Variants in PRPF8 observed in about 807,000 individuals in gnomAD.
The protein encoded by PRPF8 is pre-mRNA processing factor 8.
Under a neutral mutation model 285.9 loss-of-function variants are expected in PRPF8, and 64 were observed. That is an observed-to-expected ratio of 0.22 (90% CI 0.18 to 0.28). PRPF8 has a LOEUF of 0.28. Ranked by LOEUF, PRPF8 falls within the 10% of genes least tolerant of loss-of-function variation. The pLI, the probability that PRPF8 is intolerant of heterozygous loss-of-function variation, is 1.00. For missense variants in PRPF8, 1,426 were observed against 3,026.7 expected (o/e 0.47, Z 12.41); for synonymous variants, 1,325 against 1,118.2 (o/e 1.18, Z -3.69).
At chr17:1,668,511 C>T (rs570177310) in intron 24 of PRPF8, among the ~76,000 whole-genome samples, 2 of 151,768 alleles carry the variant, frequency 1.3e-5, no homozygotes, top group African/African-American at 4.8e-5. Context: ...CACAGGCGCC[C>T]GCCACGACAT....
At position 1,674,788 on chromosome 17, in the gene PRPF8, C is replaced by T. The variant is rs115952669; in HGVS notation, c.3061-108G>A. ...AGCAAATTCTACTTTTTTCCACTCC[C>T]GAGGCGGAGTTGTGCTCAGTCACCC... On this transcript the variant is annotated intron_variant, in intron 20 of 42. Coordinates refer to ENST00000304992, the MANE Select transcript of PRPF8 (RefSeq NM_006445.4). 4.2e-3 allele frequency: 5,004 copies of T among 1,197,596 alleles called. 141 individuals are homozygous for T. The African/African-American group carries it at 0.064, about 15-fold the overall frequency. 74.2% of individuals were successfully genotyped at this position (1,197,596 alleles called of 1,614,324 possible). A position where few individuals can be genotyped will look rare whatever the true frequency, so the allele number is the denominator to read the frequency against.
intron 13 of PRPF8, among the ~76,000 whole-genome samples, 196 bp from the exon 14 acceptor site, chr17:1,677,890 C>G (rs1207834353): frequency 6.6e-6 from 1 of 152,004 alleles, no homozygotes; most frequent in Non-Finnish European, 1.5e-5. Flanking sequence ...AACCTTAAGG[C>G]AAAAACCAGG....
At position 1,659,065 on chromosome 17, in the gene PRPF8, G is replaced by T. The variant is rs1257907080; in HGVS notation, c.5138+292C>A. 3 of 552,908 alleles carry T rather than the reference G, an allele frequency of 5.4e-6. No individual in the cohort carries two copies. In the African/African-American group the frequency reaches 5.7e-5, roughly 10 times the overall value. The allele number at this position is 552,908 out of a possible 1,614,324, so 34.3% of individuals were successfully genotyped here. A position where few individuals can be genotyped will look rare whatever the true frequency, so the allele number is the denominator to read the frequency against. On this transcript the variant is annotated intron_variant, in intron 32 of 42. Transcript: ENST00000304992. This position sits in a 1 kb window ranked among gnomAD's most constrained non-coding sequence, Gnocchi z 5.1. ...CTTTGAGATGGAGTCTCACTCTGTC[G>T]CCCAGGCTGGAGTGCAGTGGCGCAA...
rs1243154657 is a variant in PRPF8, at chr17:1,677,402, G to A, written c.1984+163C>T. ...TGACTGCCTCTCAAGGCCCCAGAAG[G>A]AAGCCCAAGAAATAGAATACTAGGT... On this transcript the variant is annotated intron_variant, in intron 14 of 42. Transcript: ENST00000304992. The A allele has an allele frequency of 1.4e-5, 16 of 1,141,126 alleles. No homozygotes were observed. The Admixed American group carries it at 2.2e-4, about 16-fold the overall frequency. 70.7% of individuals were successfully genotyped at this position (1,141,126 alleles called of 1,614,324 possible).
chr17:1,668,354 CT>C (rs970795981), intron 24 of PRPF8, among the ~76,000 whole-genome samples: 5,730 of 105,528 alleles, frequency 0.054, 318 homozygotes, highest in African/African-American at 0.15. Flanking sequence ...GTCTAGCATT[CT>C]TTTTTTTTTT....
rs376297942 is a variant in PRPF8, at chr17:1,677,102, C to T, written c.2055G>A (p.Leu685=). ...GAATATCATGCATCACAGCTGCCCGCAGCTCAAGGTCAAAATGTGACTCCA... is the reference window on the plus strand; with the variant it reads ...GAATATCATGCATCACAGCTGCCCGTAGCTCAAGGTCAAAATGTGACTCCA... ...QRVESHFDLE[L]RAAVMHDILD... is the part of the protein sequence containing the mutation. The change falls in exon 15 of 43, where the codon CTG becomes CTA. Residue 685 remains leucine (L), a synonymous_variant. Transcript: ENST00000304992. 3 of 1,613,918 alleles carry T rather than the reference C, an allele frequency of 1.9e-6. No homozygotes were observed. Among genetic ancestry groups the T allele is most frequent in the Non-Finnish European group, 2.5e-6 (3 of 1,180,006 alleles).
At chr17:1,678,313 T>TCAAAA (rs1912720973) in intron 13 of PRPF8, 4 of 604,276 alleles carry the variant, frequency 6.6e-6, no homozygotes, top group South Asian at 1.9e-5. Context: ...AGACTCAGTT[T>TCAAAA]CAAAACAAAA....
At chr17:1,684,187 T>C (rs1243439152) in intron 2 of PRPF8, among the ~76,000 whole-genome samples, 1 of 152,052 alleles carries the variant, frequency 6.6e-6, no homozygotes, top group Non-Finnish European at 1.5e-5. Context: ...GCGCCCGGCC[T>C]GACATTTTTA....
rs781299375 is a variant in PRPF8 at position 1,679,215 on chromosome 17, G to A, written c.1410-9C>T. The A allele has an allele frequency of 1.1e-5, 18 of 1,614,096 alleles. No homozygotes were observed. In the African/African-American group the frequency reaches 1.9e-4, roughly 17 times the overall value. On this transcript the variant is annotated splice_polypyrimidine_tract_variant and intron_variant, in intron 10 of 42. Coordinates refer to ENST00000304992, the MANE Select transcript of PRPF8 (RefSeq NM_006445.4). The surrounding 1 kb of genome is among the most constrained non-coding windows in gnomAD (Gnocchi z 4.7). Reference sequence around the variant, plus strand: ...AGGAGCGGAACAAATACCTGAGGTGGGAACATGGAGAGTAAGAGTCAGCCT... The same window carrying A: ...AGGAGCGGAACAAATACCTGAGGTGAGAACATGGAGAGTAAGAGTCAGCCT...
intron 30 of PRPF8, 117 bp downstream of exon 30, chr17:1,660,315 C>A: frequency 6.5e-7 from 1 of 1,547,036 alleles, no homozygotes. Context: ...TGAGCTGACT[C>A]TGTACAGTAC....
chr17:1,684,384 G>A (rs886918035), intron 2 of PRPF8, 88 bp downstream of exon 2: 3 of 1,326,072 alleles, frequency 2.3e-6, no homozygotes, highest in African/African-American at 2.9e-5. Flanking sequence ...CTCAGGAGCT[G>A]CCCAAACGGG....
At position 1,681,520 on chromosome 17, in the gene PRPF8, C is replaced by A; in HGVS notation, c.824G>T (p.Gly275Val). ...TSKALNMAIP[G>V]GPKFEPLVRD... The stretch of plus-strand genomic sequence containing the variant: ...AACAAGAGGTTCAAATTTGGGGCCT[C>A]CAGGAATGGCCATATTGAGTGCCTT... Residue 275 changes from glycine (G) to valine (V), a missense_variant, in exon 6 of 43, where the codon GGA becomes GTA. Physicochemically the swap from Gly to Val is moderately radical, Grantham distance 109. This residue lies in a region of PRPF8 where 157 missense variants were observed against 159.6 expected (regional missense o/e 0.98). Transcript: ENST00000304992. 1 of 1,612,498 alleles carries A rather than the reference C, an allele frequency of 6.2e-7. No individual in the cohort carries two copies. Among genetic ancestry groups the A allele is most frequent in the Non-Finnish European group, 8.5e-7 (1 of 1,178,564 alleles).
rs184194175 is a variant in PRPF8 at position 1,676,938 on chromosome 17, G to C, written c.2181+38C>G. 6.2e-7 allele frequency: 1 copy of C among 1,607,960 alleles called. No individual in the cohort carries two copies. Among genetic ancestry groups the C allele is most frequent in the South Asian group, 1.1e-5 (1 of 90,966 alleles). On this transcript the variant is annotated intron_variant, in intron 15 of 42. Transcript: ENST00000304992. The surrounding 1 kb of genome is among the most constrained non-coding windows in gnomAD (Gnocchi z 6.3). ...GAAGTGGTAATCCTACCCTAAAGAC[G>C]GATGTTTACGCCTCCAAGGAAATAA...
chr17:1,662,814 G>C (rs1437483778), intron 24 of PRPF8, among the ~76,000 whole-genome samples: 2 of 138,004 alleles, frequency 1.4e-5, no homozygotes, highest in Admixed American at 1.5e-4. Context: ...CTGGGAGACA[G>C]AGCAAGACTG....
chr17:1,677,474 T>A (rs1431668625), intron 14 of PRPF8, 91 bp downstream of exon 14: 1 of 1,573,628 alleles, frequency 6.4e-7, no homozygotes, highest in African/African-American at 1.4e-5. Context: ...GTAGGAAGAG[T>A]GCTCATACAA....
chr17:1,684,401 C>G, intron 2 of PRPF8, 71 bp downstream of exon 2: 1 of 1,510,634 alleles, frequency 6.6e-7, no homozygotes, highest in Non-Finnish European at 9.2e-7. Context: ...CGGGGAGGGT[C>G]CCCACCCGCC....
chr17:1,673,842 T>C lies in PRPF8; in HGVS notation c.3350A>G (p.His1117Arg). Residue 1117 changes from histidine to arginine, a missense_variant, in exon 22 of 43, where the codon CAC becomes CGC. This residue lies in a region of PRPF8 where 148 missense variants were observed against 196.2 expected (regional missense o/e 0.75). Transcript: ENST00000304992. This position sits in a 1 kb window ranked among gnomAD's most constrained non-coding sequence, Gnocchi z 5.5. ...GATGTTTTCATTATTGGGGTCAGGGTGCTCTGTCAGGTAACGTTGAATCAG... is the reference window on the plus strand; with the variant it reads ...GATGTTTTCATTATTGGGGTCAGGGCGCTCTGTCAGGTAACGTTGAATCAG... ...RDLIQRYLTEHPDPNNENIVG... is the reference protein window; with the variant it reads ...RDLIQRYLTERPDPNNENIVG... 6.2e-7 allele frequency: 1 copy of C among 1,614,034 alleles called. No homozygotes were observed. The highest frequency in any genetic ancestry group is 8.5e-7 in the Non-Finnish European group (1 of 1,180,020).
chr17:1,683,471 T>C, intron 3 of PRPF8, 62 bp downstream of exon 3: 5 of 1,567,972 alleles, frequency 3.2e-6, no homozygotes, highest in Non-Finnish European at 4.4e-6. Context: ...TCCAAGACTG[T>C]GGGACAGGGA....
Position 1,677,458 on chromosome 17 carries a change from A to C in PRPF8, c.1984+107T>G, listed in dbSNP as rs576072674. 9.2e-5 allele frequency: 141 copies of C among 1,532,556 alleles called. 1 individual carries two copies. The highest frequency in any genetic ancestry group is 4.0e-5 in the Non-Finnish European group (44 of 1,107,220). The allele number at this position is 1,532,556 out of a possible 1,614,324, so 94.9% of individuals were successfully genotyped here. A position where few individuals can be genotyped will look rare whatever the true frequency, so the allele number is the denominator to read the frequency against. ...TCATTTCAGAACTGGACCTAAAGGC[A>C]ATCCAGTAGGAAGAGTGCTCATACA... is the stretch of plus-strand genomic sequence containing the variant. On this transcript the variant is annotated intron_variant, in intron 14 of 42. Transcript: ENST00000304992.
Sources: allele counts gnomAD v4.1 joint callset (sites outside exome capture counted in the v4.1 genomes callset), GRCh38; gene constraint gnomAD v4.1.1; regional missense constraint gnomAD v4.1.1; non-coding constraint Gnocchi (gnomAD v3.1); transcripts MANE v1.5; gene names NCBI Gene and HGNC (gene_info 2026-07-23, HGNC 2026-07-21).